Variants in NT5DC1 observed in about 807,000 individuals in gnomAD.
NT5DC1 encodes the protein 5'-nucleotidase domain containing 1.
A neutral mutation model predicts 59.4 loss-of-function variants in NT5DC1; 42 were observed. That is an observed-to-expected ratio of 0.71 (90% CI 0.55 to 0.92). NT5DC1 has a LOEUF of 0.92. Among genes scored for constraint, NT5DC1 ranks in the 40% least tolerant of loss-of-function variants. NT5DC1 has a pLI of 0.00. For missense variants in NT5DC1, 501 were observed against 537.1 expected (o/e 0.93, Z 0.66); for synonymous variants, 172 against 188.1 (o/e 0.91, Z 0.70).
intron 6 of NT5DC1, among the ~76,000 whole-genome samples, chr6:116,176,140 C>T (rs1204488849): frequency 1.9e-4 from 29 of 152,178 alleles, no homozygotes; most frequent in Admixed American, 1.9e-3. Context: ...TTGGGTTTTG[C>T]TACCTATGGT....
intron 6 of NT5DC1, among the ~76,000 whole-genome samples, chr6:116,152,597 T>C (rs1780073203): frequency 6.6e-6 from 1 of 152,162 alleles, no homozygotes; most frequent in Non-Finnish European, 1.5e-5. Context: ...GTGCTTTCTT[T>C]ACCAGGTCTT....
chr6:116,237,896 C>T (rs1043010256), intron 9 of NT5DC1, among the ~76,000 whole-genome samples: 15 of 152,186 alleles, frequency 9.9e-5, no homozygotes, highest in African/African-American at 3.1e-4. Context: ...TCTATGTAAA[C>T]ATATAGGTTC....
rs548323623 is a variant in NT5DC1, at chr6:116,160,701, G to T, written c.529+42756G>T. Among the ~76,000 whole-genome samples the T allele has an allele frequency of 2.6e-5, 4 of 152,250 alleles. No homozygotes were observed. The East Asian group carries it at 7.7e-4, about 29-fold the overall frequency. ...CGTCATAAATTCTTTGCCTAGGCCAGTGTCCAGAAGAGTTTCCCCTAGATT... is the reference window on the plus strand; with the variant it reads ...CGTCATAAATTCTTTGCCTAGGCCATTGTCCAGAAGAGTTTCCCCTAGATT... On this transcript the variant is annotated intron_variant, in intron 6 of 11. Transcript: ENST00000319550.
chr6:116,242,033 G>A (rs1771741832), intron 11 of NT5DC1, among the ~76,000 whole-genome samples: 1 of 150,166 alleles, frequency 6.7e-6, no homozygotes, highest in African/African-American at 2.4e-5. Context: ...TACATTAAAT[G>A]TATGTGACCA....
At position 116,102,885 on chromosome 6, in the gene NT5DC1, C is replaced by T. The variant is rs1778688728; in HGVS notation, c.93+1862C>T. 3.9e-5 allele frequency among the ~76,000 whole-genome samples: 6 copies of T among 152,330 alleles called. 1 individual carries two copies. In the South Asian group the frequency reaches 1.0e-3, roughly 26 times the overall value. ...GTAGTATGACCTGGGTCTTGCTTCA[C>T]GCTGCCAACAGTGCCTGGAGGGCCT... On this transcript the variant is annotated intron_variant, in intron 1 of 11. Transcript: ENST00000319550.
At chr6:116,120,796 G>A in intron 6 of NT5DC1, 4 of 1,612,576 alleles carry the variant, frequency 2.5e-6, no homozygotes, top group Non-Finnish European at 3.4e-6. Context: ...CACCTCTTGG[G>A]CCAGCCTCTC....
chr6:116,194,891 A>G (rs998774630), intron 6 of NT5DC1, among the ~76,000 whole-genome samples: 5 of 152,052 alleles, frequency 3.3e-5, no homozygotes, highest in Non-Finnish European at 7.4e-5. Flanking sequence ...AGTTTGATAC[A>G]AGCATATTTT....
At chr6:116,126,783 A>C (rs1384303802) in intron 6 of NT5DC1, among the ~76,000 whole-genome samples, 1 of 152,170 alleles carries the variant, frequency 6.6e-6, no homozygotes, top group Non-Finnish European at 1.5e-5. Flanking sequence ...ATCTCATATT[A>C]TGTTAATTTA....
intron 6 of NT5DC1, among the ~76,000 whole-genome samples, chr6:116,123,003 G>A (rs527928916): frequency 2.6e-5 from 4 of 152,256 alleles, no homozygotes; most frequent in Non-Finnish European, 4.4e-5. Flanking sequence ...ATTATATTAT[G>A]TATAAGTGGA....
At chr6:116,185,767 A>T (rs757746963) in intron 6 of NT5DC1, among the ~76,000 whole-genome samples, 3 of 152,020 alleles carry the variant, frequency 2.0e-5, no homozygotes, top group Non-Finnish European at 4.4e-5. Context: ...CTTATGTGTC[A>T]GGTGAGTCTC....
chr6:116,182,976 A>G (rs1582858923), intron 6 of NT5DC1, among the ~76,000 whole-genome samples: 1 of 152,034 alleles, frequency 6.6e-6, no homozygotes, highest in Admixed American at 6.6e-5. Context: ...GGGTTTTTCC[A>G]CTGTGCTTTT....
At chr6:116,235,762 C>T (rs948181870) in intron 8 of NT5DC1, among the ~76,000 whole-genome samples, 7 of 152,166 alleles carry the variant, frequency 4.6e-5, no homozygotes, top group African/African-American at 1.7e-4. Flanking sequence ...CATATAGTAT[C>T]TTTAGGGAAA....
intron 6 of NT5DC1, among the ~76,000 whole-genome samples, chr6:116,216,264 AT>A (rs1781685753): frequency 6.6e-6 from 1 of 152,104 alleles, no homozygotes; most frequent in Admixed American, 6.6e-5. Flanking sequence ...AGAGCCTGTG[AT>A]TTCCAATGAA....
chr6:116,221,601 A>G (rs575494871), intron 7 of NT5DC1, among the ~76,000 whole-genome samples: 9 of 152,192 alleles, frequency 5.9e-5, no homozygotes, highest in African/African-American at 1.9e-4. Flanking sequence ...GAGTACAGCC[A>G]CTCTTTAGTC....
chr6:116,108,313 T>G, intron 2 of NT5DC1, 51 bp from the exon 3 acceptor site: 1 of 1,128,712 alleles, frequency 8.9e-7, no homozygotes, highest in South Asian at 1.2e-5. Context: ...TGTTATTTCT[T>G]AGGTTAGCTA....
chr6:116,207,840 G>A (rs1032533554), intron 6 of NT5DC1, among the ~76,000 whole-genome samples: 1 of 151,818 alleles, frequency 6.6e-6, no homozygotes, highest in African/African-American at 2.4e-5. Flanking sequence ...TTTACTCTGT[G>A]CCTCATTACT....
chr6:116,223,850 C>A (rs1286453091), intron 8 of NT5DC1, among the ~76,000 whole-genome samples: 3 of 152,142 alleles, frequency 2.0e-5, no homozygotes, highest in East Asian at 1.9e-4. Context: ...TAAAATAAAT[C>A]CAGGATGGTT....
At position 116,249,238 on chromosome 6, in the gene NT5DC1, A is replaced by G. The variant is rs182578198; in HGVS notation, c.*5214A>G. 2.0e-4 allele frequency: 30 copies of G among 152,356 alleles called. No individual in the cohort carries two copies. Among genetic ancestry groups the G allele is most frequent in the African/African-American group, 7.2e-4 (30 of 41,592 alleles). The allele number at this position is 152,356 out of a possible 1,614,324, so 9.4% of individuals were successfully genotyped here. A position where few individuals can be genotyped will look rare whatever the true frequency, so the allele number is the denominator to read the frequency against. ...ACCTCAGCAAGAAATTGCAAGTAAT[A>G]ATTGCACCAAGAGTCAGCATCTATT... On this transcript the variant is annotated 3_prime_UTR_variant, in exon 12 of 12. Coordinates refer to ENST00000319550, the MANE Select transcript of NT5DC1 (RefSeq NM_152729.3).
intron 6 of NT5DC1, among the ~76,000 whole-genome samples, chr6:116,130,083 TA>T (rs1779423773): frequency 6.6e-6 from 1 of 152,324 alleles, no homozygotes; most frequent in Non-Finnish European, 1.5e-5. Flanking sequence ...TTATAGGTTA[TA>T]AAATGATGAT....
Sources: allele counts gnomAD v4.1 joint callset (sites outside exome capture counted in the v4.1 genomes callset), GRCh38; gene constraint gnomAD v4.1.1; transcripts MANE v1.5; gene names NCBI Gene and HGNC (gene_info 2026-07-23, HGNC 2026-07-21).